Variants in SPATA31A6 observed in about 807,000 individuals in gnomAD.
The protein encoded by SPATA31A6 is spermatogenesis-associated protein 31A6.
Under a neutral mutation model 11.9 loss-of-function variants are expected in SPATA31A6, and 9 were observed. The ratio of observed to expected loss-of-function variants is 0.76; its 90% CI spans 0.46 to 1.32. The LOEUF is 1.32. Among genes scored for constraint, SPATA31A6 ranks in the 40% most tolerant of loss-of-function variants. SPATA31A6 has a pLI of 0.00. For missense variants in SPATA31A6, 855 were observed against 1,467.3 expected, an observed-to-expected ratio of 0.58 and a Z score of 6.82; for synonymous variants, 314 against 572.1, an observed-to-expected ratio of 0.55 and a Z score of 6.44.
In SPATA31A6 at chr9:42,185,703, G is replaced by A. The variant is rs745602794; in HGVS notation, c.256G>A (p.Glu86Lys). 4 of 1,427,900 alleles carry A rather than the reference G, an allele frequency of 2.8e-6. No homozygotes were observed. The highest frequency in any genetic ancestry group is 3.8e-6 in the Non-Finnish European group (4 of 1,049,700). 88.5% of individuals were successfully genotyped at this position (1,427,900 alleles called of 1,614,324 possible). A position where few individuals can be genotyped will look rare whatever the true frequency, so the allele number is the denominator to read the frequency against. ...AGTCTCCTGATTTCCAGCTGGTAGA[G>A]AGTGCCCGAGAGGCCTGGAGGAGAC... ...MKNHSLRAGR[E>K]CPRGLEETSD... is the part of the protein sequence containing the mutation. The change falls in exon 3 of 4, where the codon GAG becomes AAG. Residue 86 changes from glutamate (E) to lysine (K), a missense_variant. Coordinates refer to ENST00000332857, the MANE Select transcript of SPATA31A6 (RefSeq NM_001145196.1).
rs765288927 is a variant in SPATA31A6 at position 42,188,996 on chromosome 9, A to G, written c.3294A>G (p.Pro1098=). 13 of 1,549,576 alleles carry G rather than the reference A, an allele frequency of 8.4e-6. 1 individual carries two copies. Among genetic ancestry groups the G allele is most frequent in the South Asian group, 1.1e-5 (1 of 87,380 alleles). ...NCQGSCKSQR[P]MFPPIHKSEK... ...AAGGCTCATGCAAGAGCCAAAGGCC[A>G]ATGTTTCCCCCTATTCACAAGAGTG... The change falls in exon 4 of 4, where the codon CCA becomes CCG. Residue 1098 remains proline (P), a synonymous_variant. Transcript: ENST00000332857.
Position 42,186,938 on chromosome 9 carries a change from T to G in SPATA31A6, c.1236T>G (p.Tyr412Ter). ...TGCAGGAAAGTTTTTGGAAGAATTA[T>G]AGCCAGCTTTTCTGGGGCCTCCCCT... ...RLLQESFWKN[Y>*]SQLFWGLPSL... Residue 412 changes from tyrosine to a stop codon, truncating the protein, a stop_gained, in exon 4 of 4, where the codon TAT (tyrosine) becomes TAG (stop). Coordinates refer to ENST00000332857, the MANE Select transcript of SPATA31A6 (RefSeq NM_001145196.1). LOFTEE classifies it low-confidence loss of function (END_TRUNC). 1 of 1,542,210 alleles carries G rather than the reference T, an allele frequency of 6.5e-7. No homozygotes were observed. The highest frequency in any genetic ancestry group is 8.8e-7 in the Non-Finnish European group (1 of 1,142,292).
At chr9:42,184,044 G>T (rs975305065) in intron 1 of SPATA31A6, among the ~76,000 whole-genome samples, 168 bp downstream of exon 1, 3 of 137,332 alleles carry the variant, frequency 2.2e-5, no homozygotes, top group East Asian at 4.5e-4. Context: ...GTTGGTAGGG[G>T]TAGATAGTGT....
chr9:42,187,323 T>A lies in SPATA31A6; in HGVS notation c.1621T>A (p.Trp541Arg), dbSNP rs766778796. The change falls in exon 4 of 4, where the codon TGG becomes AGG. Residue 541 changes from tryptophan (W) to arginine (R), a missense_variant. Physicochemically the swap from Trp to Arg is moderately radical, Grantham distance 101. Coordinates refer to ENST00000332857, the MANE Select transcript of SPATA31A6 (RefSeq NM_001145196.1). ...CCTACCTGAAACTCAGCACCCTGAA[T>A]GGCCTTTGTTGAGGAAACAACTAGA... Reference protein sequence around the residue: ...LSLPETQHPEWPLLRKQLEGR... With the variant: ...LSLPETQHPERPLLRKQLEGR... 10 of 1,539,914 alleles carry A rather than the reference T, an allele frequency of 6.5e-6. 2 individuals are homozygous for A. Among genetic ancestry groups the A allele is most frequent in the Non-Finnish European group, 8.8e-6 (10 of 1,137,496 alleles).
At position 42,186,581 on chromosome 9, in the gene SPATA31A6, T is replaced by TA. The variant is rs1439130106; in HGVS notation, c.881dup (p.Asn294LysfsTer23). On this transcript the variant is annotated frameshift_variant, in exon 4 of 4. Coordinates refer to ENST00000332857, the MANE Select transcript of SPATA31A6 (RefSeq NM_001145196.1). LOFTEE classifies it low-confidence loss of function (END_TRUNC). ...AGACTGCCAGAACCTCGTGCGCCTT[T>TA]AACTCATCAGTCCAGCAAGATCCTC... 2 of 1,529,844 alleles carry TA rather than the reference T, an allele frequency of 1.3e-6. 1 individual carries two copies. The highest frequency in any genetic ancestry group is 4.8e-5 in the East Asian group (2 of 41,618). 94.8% of individuals were successfully genotyped at this position (1,529,844 alleles called of 1,614,324 possible).
chr9:42,187,688 C>T lies in SPATA31A6; in HGVS notation c.1986C>T (p.Asp662=), dbSNP rs753811587. 23 of 1,520,806 alleles carry T rather than the reference C, an allele frequency of 1.5e-5. 4 individuals carry two copies. The highest frequency in any genetic ancestry group is 1.9e-5 in the Non-Finnish European group (21 of 1,129,434). The allele number at this position is 1,520,806 out of a possible 1,614,324, so 94.2% of individuals were successfully genotyped here. A position where few individuals can be genotyped will look rare whatever the true frequency, so the allele number is the denominator to read the frequency against. ...AGGTGAAGTTCCAGCTAGAGAGGGACCTGTGCCCACATCTGGGGCAAATTC... is the reference window on the plus strand; with the variant it reads ...AGGTGAAGTTCCAGCTAGAGAGGGATCTGTGCCCACATCTGGGGCAAATTC... ...AQKVKFQLER[D]LCPHLGQILG... The change falls in exon 4 of 4, where the codon GAC becomes GAT. Residue 662 remains aspartate (D), a synonymous_variant. Coordinates refer to ENST00000332857, the MANE Select transcript of SPATA31A6 (RefSeq NM_001145196.1).
rs775771389 is a variant in SPATA31A6, at chr9:42,187,766, G to A, written c.2064G>A (p.Lys688=). 28 of 1,506,856 alleles carry A rather than the reference G, an allele frequency of 1.9e-5. 8 individuals are homozygous for A. The South Asian group carries it at 2.3e-4, about 13-fold the overall frequency. The allele number at this position is 1,506,856 out of a possible 1,614,324, so 93.3% of individuals were successfully genotyped here. ...LSRDMKSFPR[K]VLGVTSEESE... ...GGGACATGAAAAGCTTCCCACGGAA[G>A]GTTCTGGGGGTGACTTCTGAGGAGT... Residue 688 remains lysine, a synonymous_variant, in exon 4 of 4, where the codon AAG becomes AAA. Coordinates refer to ENST00000332857, the MANE Select transcript of SPATA31A6 (RefSeq NM_001145196.1).
chr9:42,189,455 C>A lies in SPATA31A6; in HGVS notation c.3753C>A (p.Tyr1251Ter). 6.4e-7 allele frequency: 1 copy of A among 1,556,408 alleles called. No homozygotes were observed. The highest frequency in any genetic ancestry group is 8.7e-7 in the Non-Finnish European group (1 of 1,153,976). The change falls in exon 4 of 4, where the codon TAC becomes TAA. Residue 1251 changes from tyrosine (Y) to a stop codon, truncating the protein, a stop_gained. Coordinates refer to ENST00000332857, the MANE Select transcript of SPATA31A6 (RefSeq NM_001145196.1). LOFTEE classifies it low-confidence loss of function (END_TRUNC). ...CCTGCAACCACAGGCACCTCTTCTA[C>A]TCAGAACATGGCAGAATACTGAGCT... ...GFPCNHRHLF[Y>*]SEHGRILSYA...
chr9:42,189,465 G>A lies in SPATA31A6; in HGVS notation c.3763G>A (p.Gly1255Ser), dbSNP rs754681155. Residue 1255 changes from glycine (G) to serine (S), a missense_variant, in exon 4 of 4, where the codon GGC (glycine) becomes AGC (serine). Coordinates refer to ENST00000332857, the MANE Select transcript of SPATA31A6 (RefSeq NM_001145196.1). Reference protein sequence around the residue: ...NHRHLFYSEHGRILSYAASSQ... With the variant: ...NHRHLFYSEHSRILSYAASSQ... The stretch of plus-strand genomic sequence containing the variant: ...CAGGCACCTCTTCTACTCAGAACAT[G>A]GCAGAATACTGAGCTATGCAGCCAG... 1.9e-5 allele frequency: 30 copies of A among 1,548,666 alleles called. 3 individuals are homozygous for A. The Admixed American group carries it at 2.2e-4, about 11-fold the overall frequency.
chr9:42,184,844 C>A (rs1247451120), intron 1 of SPATA31A6, among the ~76,000 whole-genome samples: 1 of 137,952 alleles, frequency 7.2e-6, no homozygotes, highest in African/African-American at 2.9e-5. Flanking sequence ...TGCTGTTTTT[C>A]TAAGAAGAAA....
chr9:42,183,833 T>C lies in SPATA31A6; in HGVS notation c.146T>C (p.Phe49Ser). 2 of 1,532,722 alleles carry C rather than the reference T, an allele frequency of 1.3e-6. No homozygotes were observed. The highest frequency in any genetic ancestry group is 8.8e-7 in the Non-Finnish European group (1 of 1,137,666). 94.9% of individuals were successfully genotyped at this position (1,532,722 alleles called of 1,614,324 possible). Reference sequence around the variant, plus strand: ...CTATTACTCCCCTACTTATCTTACTTCCATTGTGATGACCCACCCTCACCA... The same window carrying C: ...CTATTACTCCCCTACTTATCTTACTCCCATTGTGATGACCCACCCTCACCA... ...FFLLLPYLSY[F>S]HCDDPPSPSP... Residue 49 changes from phenylalanine (F) to serine (S), a missense_variant, in exon 1 of 4, where the codon TTC becomes TCC. Coordinates refer to ENST00000332857, the MANE Select transcript of SPATA31A6 (RefSeq NM_001145196.1).
chr9:42,189,148 C>T lies in SPATA31A6; in HGVS notation c.3446C>T (p.Ser1149Leu). 15 of 1,545,142 alleles carry T rather than the reference C, an allele frequency of 9.7e-6. 3 individuals carry two copies. Among genetic ancestry groups the T allele is most frequent in the Non-Finnish European group, 1.1e-5 (13 of 1,139,300 alleles). ...GATGAAGGCGTCCAGCTACTGCCATCAAAGAAACAGCCTCCTTCAGTAAGC... is the reference window on the plus strand; with the variant it reads ...GATGAAGGCGTCCAGCTACTGCCATTAAAGAAACAGCCTCCTTCAGTAAGC... ...HQDEGVQLLP[S>L]KKQPPSVSHF... The change falls in exon 4 of 4, where the codon TCA (serine) becomes TTA (leucine). Residue 1149 changes from serine to leucine, a missense_variant. Transcript: ENST00000332857.
chr9:42,184,879 T>A (rs1829416293), intron 1 of SPATA31A6, among the ~76,000 whole-genome samples, 190 bp from the exon 2 acceptor site: 1 of 138,068 alleles, frequency 7.2e-6, no homozygotes, highest in Non-Finnish European at 1.5e-5. Context: ...CAGTTAAACA[T>A]GAGTGGGAGG....
In SPATA31A6 at chr9:42,183,765, G is replaced by T; in HGVS notation, c.78G>T (p.Leu26Phe). 1 of 1,535,850 alleles carries T rather than the reference G, an allele frequency of 6.5e-7. No individual in the cohort carries two copies. Among genetic ancestry groups the T allele is most frequent in the Non-Finnish European group, 8.8e-7 (1 of 1,137,938 alleles). Residue 26 changes from leucine to phenylalanine, a missense_variant, in exon 1 of 4, where the codon TTG becomes TTT. By Grantham distance (22) the Leu-to-Phe change is conservative. Transcript: ENST00000332857. ...CCCCCAGCTCCACACCATGGGTGTT[G>T]GATATCTTCCTCACCTTGGTGTTTG... ...LNAPSSTPWV[L>F]DIFLTLVFAL...
chr9:42,189,446 C>A lies in SPATA31A6; in HGVS notation c.3744C>A (p.His1248Gln), dbSNP rs550048106. The part of the protein sequence containing the change: ...PVCGFPCNHR[H>Q]LFYSEHGRIL... ...GTGGGTTTCCCTGCAACCACAGGCA[C>A]CTCTTCTACTCAGAACATGGCAGAA... The change falls in exon 4 of 4, where the codon CAC becomes CAA. Residue 1248 changes from histidine (H) to glutamine (Q), a missense_variant. Physicochemically the swap from His to Gln is conservative, Grantham distance 24. Coordinates refer to ENST00000332857, the MANE Select transcript of SPATA31A6 (RefSeq NM_001145196.1). 2.7e-5 allele frequency: 42 copies of A among 1,559,470 alleles called. 4 individuals are homozygous for A. The South Asian group carries it at 4.2e-4, about 16-fold the overall frequency.
chr9:42,183,900 C>A (rs746044016), intron 1 of SPATA31A6, 24 bp downstream of exon 1: 3 of 1,528,100 alleles, frequency 2.0e-6, no homozygotes, highest in Non-Finnish European at 1.8e-6. Context: ...AGTCCCGACC[C>A]ACAGAGCTTG....
In SPATA31A6 at chr9:42,185,079, G is replaced by C; in HGVS notation, c.200G>C (p.Gly67Ala). The C allele has an allele frequency of 6.5e-7, 1 of 1,540,168 alleles. No individual in the cohort carries two copies. The highest frequency in any genetic ancestry group is 8.8e-7 in the Non-Finnish European group (1 of 1,137,340). The change falls in exon 2 of 4, where the codon GGG becomes GCG. Residue 67 changes from glycine to alanine, a missense_variant. Gly to Ala is a moderately conservative substitution (Grantham distance 60). Transcript: ENST00000332857. ...PSPGKRKCPV[G>A]RRRRPRGRMK... The stretch of plus-strand genomic sequence containing the variant: ...CATCATGTCTCCCAGTGTCCAGTAG[G>C]GCGGAGGCGGAGGCCCAGAGGCAGG...
Position 42,187,308 on chromosome 9 carries a change from A to G in SPATA31A6, c.1606A>G (p.Thr536Ala). The G allele has an allele frequency of 1.3e-6, 2 of 1,539,990 alleles. 1 individual carries two copies. Among genetic ancestry groups the G allele is most frequent in the African/African-American group, 3.1e-5 (2 of 64,432 alleles). ...AGTGCAAGCTCTCTCCCTACCTGAA[A>G]CTCAGCACCCTGAATGGCCTTTGTT... Reference protein sequence around the residue: ...NKVQALSLPETQHPEWPLLRK... With the variant: ...NKVQALSLPEAQHPEWPLLRK... The change falls in exon 4 of 4, where the codon ACT (threonine) becomes GCT (alanine). Residue 536 changes from threonine to alanine, a missense_variant. By Grantham distance (58) the Thr-to-Ala change is moderately conservative. Coordinates refer to ENST00000332857, the MANE Select transcript of SPATA31A6 (RefSeq NM_001145196.1).
In SPATA31A6 at chr9:42,187,702, T is replaced by G. The variant is rs770128485; in HGVS notation, c.2000T>G (p.Leu667Arg). The G allele has an allele frequency of 1.9e-5, 29 of 1,520,198 alleles. 4 individuals are homozygous for G. The South Asian group carries it at 3.4e-4, about 18-fold the overall frequency. 94.2% of individuals were successfully genotyped at this position (1,520,198 alleles called of 1,614,324 possible). Reference protein sequence around the residue: ...FQLERDLCPHLGQILGETPQN... With the variant: ...FQLERDLCPHRGQILGETPQN... ...CTAGAGAGGGACCTGTGCCCACATC[T>G]GGGGCAAATTCTGGGTGAGACCCCA... The change falls in exon 4 of 4, where the codon CTG (leucine) becomes CGG (arginine). Residue 667 changes from leucine to arginine, a missense_variant. Leu to Arg is a moderately radical substitution (Grantham distance 102, BLOSUM62 -2). Coordinates refer to ENST00000332857, the MANE Select transcript of SPATA31A6 (RefSeq NM_001145196.1).
Sources: gnomAD v4.1 joint callset for allele counts (sites outside exome capture counted in the v4.1 genomes callset) on GRCh38, gnomAD v4.1.1 for gene constraint, MANE v1.5 for transcripts, NCBI Gene and HGNC (gene_info 2026-07-23, HGNC 2026-07-21) for gene names.